C12orf42: variants seen among roughly 807,000 people sequenced by gnomAD.
The protein encoded by C12orf42 is uncharacterized protein C12orf42.
Under a neutral mutation model 21.6 loss-of-function variants are expected in C12orf42, and 25 were observed. The ratio of observed to expected loss-of-function variants is 1.16; its 90% CI spans 0.84 to 1.62. C12orf42 has a LOEUF of 1.62. Among genes scored for constraint, C12orf42 ranks in the 40% most tolerant of loss-of-function variants. C12orf42 has a pLI of 0.00. For synonymous variants in C12orf42, 174 were observed against 175.0 expected, an observed-to-expected ratio of 0.99 and a Z score of 0.05; for missense variants, 483 against 459.3, an observed-to-expected ratio of 1.05 and a Z score of -0.47.
rs772622746 is a variant in C12orf42 at position 103,302,110 on chromosome 12, A to G, written c.1081T>C (p.Ter361ArgextTer36). 6.2e-7 allele frequency: 1 copy of G among 1,609,474 alleles called. No homozygotes were observed. The change falls in exon 6 of 6, where the codon TGA (stop) becomes CGA (arginine). Residue 361 changes from the stop codon to arginine (R), a stop_lost. Transcript: ENST00000548883. ...GCCGAACAATTCCCTCGCAGCGGTC[A>G]ATGTAAGTGAGCATTCACCACCGGC... is the stretch of plus-strand genomic sequence containing the variant. Reference protein sequence around the residue: ...SRPVVNAHLH* With the variant: ...SRPVVNAHLHR
At chr12:103,285,076 A>C (rs1454234119) in intron 4 of C12orf42, among the ~76,000 whole-genome samples, 1 of 152,184 alleles carries the variant, frequency 6.6e-6, no homozygotes, top group Non-Finnish European at 1.5e-5. Context: ...AATACACAGC[A>C]AAGGCAGAAG....
At chr12:103,338,946 A>C (rs1450697754) in intron 4 of C12orf42, among the ~76,000 whole-genome samples, 1 of 152,200 alleles carries the variant, frequency 6.6e-6, no homozygotes, top group East Asian at 1.9e-4. Flanking sequence ...GCATATCTTG[A>C]TCTTCTCCTA....
chr12:103,193,276 TA>T, the C12orf42 span, among the ~76,000 whole-genome samples: 2 of 150,522 alleles, frequency 1.3e-5, no homozygotes, highest in African/African-American at 2.4e-5. Flanking sequence ...CACCTATATT[TA>T]AAAAAAAGAG....
chr12:103,455,232 A>G (rs1001941705), intron 2 of C12orf42, among the ~76,000 whole-genome samples: 2 of 152,160 alleles, frequency 1.3e-5, no homozygotes, highest in African/African-American at 4.8e-5. Flanking sequence ...ATTCAAGATG[A>G]TGCTGCAACT....
chr12:103,475,925 C>A (rs1190232035), intron 2 of C12orf42, among the ~76,000 whole-genome samples: 1 of 152,200 alleles, frequency 6.6e-6, no homozygotes, highest in South Asian at 2.1e-4. Flanking sequence ...CACCTTTATT[C>A]TCCTGGGATT....
the C12orf42 span, among the ~76,000 whole-genome samples, chr12:103,104,818 C>T: frequency 3.3e-5 from 5 of 152,236 alleles, no homozygotes; most frequent in Admixed American, 2.6e-4. Context: ...CTGAGGCATC[C>T]ACATAAGGTT....
chr12:103,340,712 A>G (rs1482927011), intron 4 of C12orf42, among the ~76,000 whole-genome samples: 1 of 152,220 alleles, frequency 6.6e-6, no homozygotes, highest in South Asian at 2.1e-4. Flanking sequence ...AAGACCTTTT[A>G]AAAGACTCAA....
intron 2 of C12orf42, among the ~76,000 whole-genome samples, chr12:103,448,802 A>T (rs532372222): frequency 6.6e-6 from 1 of 151,950 alleles, no homozygotes; most frequent in Non-Finnish European, 1.5e-5. Context: ...GTTGGTGTGG[A>T]TGTGGTAAAA....
intron 4 of C12orf42, among the ~76,000 whole-genome samples, chr12:103,321,273 A>G (rs575698712): frequency 4.9e-4 from 75 of 151,762 alleles, no homozygotes; most frequent in Non-Finnish European, 9.3e-4. Context: ...AATGCTCATC[A>G]TCACTGGCCA....
chr12:103,112,533 C>A, the C12orf42 span, among the ~76,000 whole-genome samples: 3 of 152,022 alleles, frequency 2.0e-5, no homozygotes, highest in African/African-American at 7.2e-5. Flanking sequence ...TGGTGGCAAG[C>A]ACCTGTAATC....
At chr12:103,475,760 T>C (rs1446767417) in intron 2 of C12orf42, among the ~76,000 whole-genome samples, 1 of 152,250 alleles carries the variant, frequency 6.6e-6, no homozygotes, top group Non-Finnish European at 1.5e-5. Flanking sequence ...ACTTCCTGGA[T>C]GCTGAAAAGT....
the C12orf42 span, among the ~76,000 whole-genome samples, chr12:103,552,092 G>C: frequency 2.6e-5 from 4 of 151,976 alleles, no homozygotes. Context: ...TTGACCTTGA[G>C]GTTTGCTTGT....
chr12:103,114,520 C>CA, the C12orf42 span, among the ~76,000 whole-genome samples: 1 of 152,296 alleles, frequency 6.6e-6, no homozygotes, highest in Admixed American at 6.5e-5. Context: ...CACAAGCCCT[C>CA]AAGGGGACTC....
chr12:103,093,440 G>A, the C12orf42 span, among the ~76,000 whole-genome samples: 4 of 152,136 alleles, frequency 2.6e-5, no homozygotes, highest in Admixed American at 2.6e-4. Context: ...CTTTGAGTTC[G>A]AAAGCCAAGA....
At chr12:103,132,016 C>T in the C12orf42 span, among the ~76,000 whole-genome samples, 1 of 152,038 alleles carries the variant, frequency 6.6e-6, no homozygotes, top group Admixed American at 6.5e-5. Context: ...CACTTCAAAC[C>T]GTCTATCAAG....
At chr12:103,079,628 T>A in the C12orf42 span, among the ~76,000 whole-genome samples, 8 of 152,238 alleles carry the variant, frequency 5.3e-5, no homozygotes, top group African/African-American at 1.9e-4. Flanking sequence ...ACAAACAACA[T>A]GCACATTTCT....
chr12:103,274,816 G>T (rs1212973838), intron 5 of C12orf42, among the ~76,000 whole-genome samples: 3 of 152,170 alleles, frequency 2.0e-5, no homozygotes, highest in Non-Finnish European at 4.4e-5. Flanking sequence ...GAGGTTTCCA[G>T]CTGCTATGCT....
In C12orf42 at chr12:103,336,587, A is replaced by G. The variant is rs187350219; in HGVS notation, c.260-30242T>C. ...CTCCTATAGAATGTGGCTATTTTTGAGTGTCAATAAATGAATATATCCTAA... is the reference window on the plus strand; with the variant it reads ...CTCCTATAGAATGTGGCTATTTTTGGGTGTCAATAAATGAATATATCCTAA... On this transcript the variant is annotated intron_variant, in intron 4 of 5. Coordinates refer to ENST00000548883, the MANE Select transcript of C12orf42 (RefSeq NM_198521.5). 5.3e-5 allele frequency among the ~76,000 whole-genome samples: 8 copies of G among 152,326 alleles called. No individual in the cohort carries two copies. The East Asian group carries it at 1.5e-3, about 29-fold the overall frequency.
chr12:103,061,328 G>T, the C12orf42 span, among the ~76,000 whole-genome samples: 1 of 152,138 alleles, frequency 6.6e-6, no homozygotes, highest in Non-Finnish European at 1.5e-5. Context: ...GTTAGGATGG[G>T]TATAGGAAAG....
Sources: allele counts gnomAD v4.1 joint callset (sites outside exome capture counted in the v4.1 genomes callset), GRCh38; gene constraint gnomAD v4.1.1; transcripts MANE v1.5; gene names NCBI Gene and HGNC (gene_info 2026-07-23, HGNC 2026-07-21).